Variants in TRPM8 observed in about 807,000 individuals in gnomAD.
The protein encoded by TRPM8 is transient receptor potential cation channel subfamily M member 8, also known as TRPM8 cationic channel.
In TRPM8, 110 loss-of-function variants were observed where a neutral mutation model predicts 133.7. The ratio of observed to expected loss-of-function variants is 0.82; its 90% CI spans 0.70 to 0.96. The LOEUF (loss-of-function observed/expected upper bound fraction) is 0.96. Among genes scored for constraint, TRPM8 ranks in the 40% least tolerant of loss-of-function variants. TRPM8 has a pLI of 0.00. For missense variants in TRPM8, 1,291 were observed against 1,379.5 expected (o/e 0.94, Z 1.02); for synonymous variants, 535 against 532.3 (o/e 1.01, Z -0.07).
chr2:233,921,683 T>TG (rs1691415287), intron 1 of TRPM8, among the ~76,000 whole-genome samples: 2 of 144,604 alleles, frequency 1.4e-5, no homozygotes, highest in South Asian at 4.5e-4. Context: ...TTTTCTTTTT[T>TG]TTTTTTTTTT....
chr2:233,930,930 G>T (rs1232049117), intron 3 of TRPM8, among the ~76,000 whole-genome samples, 189 bp downstream of exon 3: 3 of 152,164 alleles, frequency 2.0e-5, no homozygotes, highest in Non-Finnish European at 4.4e-5. Flanking sequence ...ATACAATTTT[G>T]TTTGGTATTT....
chr2:233,964,896 C>G, intron 14 of TRPM8, 139 bp downstream of exon 14: 4 of 834,216 alleles, frequency 4.8e-6, no homozygotes, highest in East Asian at 5.6e-5. Context: ...CTGCAGACCA[C>G]AAGGTCTGGA....
At chr2:233,950,222 C>G (rs114578717) in intron 9 of TRPM8, 76 bp downstream of exon 9, 7 of 1,383,642 alleles carry the variant, frequency 5.1e-6, no homozygotes, top group Non-Finnish European at 6.0e-6. Context: ...CTTAAACGCC[C>G]AACTCCACCA....
chr2:234,014,665 C>A lies in TRPM8; in HGVS notation c.*42+11C>A. ...TCTAATTATAGCAAGGTGAGTCATTCTAATAGCTTTTTACTTTGCTCTGAA... is the reference window on the plus strand; with the variant it reads ...TCTAATTATAGCAAGGTGAGTCATTATAATAGCTTTTTACTTTGCTCTGAA... On this transcript the variant is annotated intron_variant, in intron 25 of 25. Coordinates refer to ENST00000324695, the MANE Select transcript of TRPM8 (RefSeq NM_024080.5). 1.0e-6 allele frequency: 1 copy of A among 991,208 alleles called. No homozygotes were observed. Among genetic ancestry groups the A allele is most frequent in the Non-Finnish European group, 1.5e-6 (1 of 674,498 alleles). The allele number at this position is 991,208 out of a possible 1,614,324, so 61.4% of individuals were successfully genotyped here. A position where few individuals can be genotyped will look rare whatever the true frequency, so the allele number is the denominator to read the frequency against.
At chr2:233,974,501 G>T (rs1027469780) in intron 17 of TRPM8, among the ~76,000 whole-genome samples, 5 of 152,164 alleles carry the variant, frequency 3.3e-5, no homozygotes, top group African/African-American at 1.2e-4. Context: ...CAAAGTGCCG[G>T]GATTATAGGT....
intron 21 of TRPM8, 76 bp from the exon 22 acceptor site, chr2:233,996,250 A>G: frequency 1.5e-6 from 2 of 1,333,204 alleles, no homozygotes; most frequent in Admixed American, 1.9e-5. Context: ...GCTTAATACC[A>G]CTATTACCAT....
At chr2:233,977,631 G>C (rs955068341) in intron 17 of TRPM8, among the ~76,000 whole-genome samples, 4 of 152,180 alleles carry the variant, frequency 2.6e-5, no homozygotes, top group African/African-American at 9.7e-5. Flanking sequence ...GGGGCTGCTA[G>C]CACCAGCAAA....
intron 17 of TRPM8, among the ~76,000 whole-genome samples, chr2:233,975,569 T>G (rs1460256287): frequency 6.6e-6 from 1 of 152,232 alleles, no homozygotes; most frequent in Non-Finnish European, 1.5e-5. Flanking sequence ...AGACGTTGTT[T>G]GACTCCTTTA....
chr2:233,957,257 G>A (rs1189804422), intron 11 of TRPM8, among the ~76,000 whole-genome samples: 2 of 152,056 alleles, frequency 1.3e-5, no homozygotes, highest in Non-Finnish European at 2.9e-5. Context: ...AGGCCAAGGC[G>A]AGAGGATTGC....
intron 17 of TRPM8, among the ~76,000 whole-genome samples, chr2:233,979,756 G>A (rs1287593427): frequency 6.6e-6 from 1 of 152,136 alleles, no homozygotes. Context: ...ATGTTTTACT[G>A]CCATGTGGCA....
intron 22 of TRPM8, among the ~76,000 whole-genome samples, chr2:234,002,143 T>C (rs560708647): frequency 5.9e-5 from 9 of 151,738 alleles, no homozygotes; most frequent in Non-Finnish European, 1.2e-4. Context: ...GAAGGGAATA[T>C]TCAAGCTGAG....
intron 21 of TRPM8, among the ~76,000 whole-genome samples, chr2:233,986,309 T>C (rs948730329): frequency 6.6e-6 from 1 of 152,246 alleles, no homozygotes; most frequent in Non-Finnish European, 1.5e-5. Flanking sequence ...TAAATCAGAA[T>C]ACAAAGAGCA....
At position 233,995,051 on chromosome 2, in the gene TRPM8, C is replaced by G. The variant is rs146106308; in HGVS notation, c.2940-1275C>G. ...AAATAGAGCATTGCTTAAAACATTTCCTGCTCCCCTCTGTGAGGTGGTATC... is the reference window on the plus strand; with the variant it reads ...AAATAGAGCATTGCTTAAAACATTTGCTGCTCCCCTCTGTGAGGTGGTATC... On this transcript the variant is annotated intron_variant, in intron 21 of 25. Transcript: ENST00000324695. 3.8e-3 allele frequency among the ~76,000 whole-genome samples: 573 copies of G among 152,284 alleles called. 4 individuals carry two copies. Among genetic ancestry groups the G allele is most frequent in the African/African-American group, 0.013 (540 of 41,552 alleles).
intron 17 of TRPM8, among the ~76,000 whole-genome samples, chr2:233,978,248 AG>A: frequency 7.2e-6 from 1 of 139,334 alleles, no homozygotes; most frequent in East Asian, 2.3e-4. Flanking sequence ...TTTTAAGTTG[AG>A]CCTTTTTTTC....
chr2:233,934,865 A>G (rs1691758118), intron 3 of TRPM8, among the ~76,000 whole-genome samples: 1 of 152,240 alleles, frequency 6.6e-6, no homozygotes, highest in Non-Finnish European at 1.5e-5. Context: ...TGTTTTTAGA[A>G]AAGTCATAGA....
At chr2:233,988,144 C>G (rs2125313379) in intron 21 of TRPM8, among the ~76,000 whole-genome samples, 1 of 152,248 alleles carries the variant, frequency 6.6e-6, no homozygotes, top group Admixed American at 6.5e-5. Context: ...ATGCTCATCC[C>G]CTGCTCTCTG....
intron 9 of TRPM8, among the ~76,000 whole-genome samples, chr2:233,952,254 G>T (rs556835334): frequency 2.6e-5 from 4 of 152,254 alleles, no homozygotes; most frequent in Admixed American, 1.3e-4. Flanking sequence ...AGACAAAACA[G>T]AATTTGAAAA....
chr2:233,979,826 A>G (rs1691961665), intron 17 of TRPM8, among the ~76,000 whole-genome samples: 1 of 152,250 alleles, frequency 6.6e-6, no homozygotes, highest in Non-Finnish European at 1.5e-5. Flanking sequence ...AATACCCTCT[A>G]GGACTGTGTA....
At chr2:233,959,005 C>T (rs1196154654) in intron 11 of TRPM8, among the ~76,000 whole-genome samples, 1 of 133,190 alleles carries the variant, frequency 7.5e-6, no homozygotes, top group Non-Finnish European at 1.6e-5. Flanking sequence ...GTTGTTGGAG[C>T]TGCTGGTTTT....
Sources: gnomAD v4.1 joint callset for allele counts (sites outside exome capture counted in the v4.1 genomes callset) on GRCh38, gnomAD v4.1.1 for gene constraint, MANE v1.5 for transcripts, NCBI Gene and HGNC (gene_info 2026-07-23, HGNC 2026-07-21) for gene names.